The following PIK3R4 variants were observed in gnomAD, a reference collection of about 807,000 sequenced individuals.
The protein encoded by PIK3R4 is phosphoinositide-3-kinase regulatory subunit 4.
A neutral mutation model predicts 136.5 loss-of-function variants in PIK3R4; 46 were observed. That is an observed-to-expected ratio of 0.34 (90% CI 0.27 to 0.43). PIK3R4 has a LOEUF of 0.43. Among genes scored for constraint, PIK3R4 ranks in the 20% least tolerant of loss-of-function variants. The probability of loss-of-function intolerance (pLI) is 1.00; values close to 1 mark genes in which losing one functional copy is unlikely to be tolerated. For synonymous variants in PIK3R4, 557 were observed against 566.7 expected (o/e 0.98, Z 0.24); for missense variants, 1,331 against 1,649.5 (o/e 0.81, Z 3.35).
At chr3:130,687,291 T>C (rs2107600466) in intron 14 of PIK3R4, among the ~76,000 whole-genome samples, 1 of 152,316 alleles carries the variant, frequency 6.6e-6, no homozygotes, top group South Asian at 2.1e-4. Flanking sequence ...GACATCATAT[T>C]AGCATTCGAA....
At chr3:130,731,012 T>C (rs930180804) in intron 4 of PIK3R4, among the ~76,000 whole-genome samples, 3 of 152,256 alleles carry the variant, frequency 2.0e-5, no homozygotes, top group Admixed American at 1.3e-4. Context: ...AGTGGCAGAC[T>C]GTTTGCACAT....
chr3:130,738,527 G>T (rs926164565), intron 2 of PIK3R4, among the ~76,000 whole-genome samples: 1 of 152,144 alleles, frequency 6.6e-6, no homozygotes, highest in Non-Finnish European at 1.5e-5. Flanking sequence ...TTTGTCAGCT[G>T]TAAGAGCAAA....
Position 130,733,766 on chromosome 3 carries a change from A to G in PIK3R4, c.1232T>C (p.Val411Ala). The G allele has an allele frequency of 6.2e-7, 1 of 1,614,184 alleles. No homozygotes were observed. Among genetic ancestry groups the G allele is most frequent in the Non-Finnish European group, 8.5e-7 (1 of 1,179,996 alleles). The change falls in exon 4 of 20, where the codon GTT becomes GCT. Residue 411 changes from valine (V) to alanine (A), a missense_variant. This residue lies in a region of PIK3R4 where 1,180 missense variants were observed against 1,407.0 expected (regional missense o/e 0.84). Transcript: ENST00000356763. Reference protein sequence around the residue: ...LILHLAPRLSVEILLDRITPY... With the variant: ...LILHLAPRLSAEILLDRITPY... ...AGTAATACGATCCAAAAGGATTTCA[A>G]CACTTAATCTTGGAGCCAAATGAAG... is the stretch of plus-strand genomic sequence containing the variant.
intron 2 of PIK3R4, among the ~76,000 whole-genome samples, chr3:130,743,064 G>A (rs2107623726): frequency 6.6e-6 from 1 of 152,172 alleles, no homozygotes; most frequent in South Asian, 2.1e-4. Context: ...CCTATTTCCT[G>A]ATAACTCCCA....
intron 6 of PIK3R4, among the ~76,000 whole-genome samples, chr3:130,725,513 G>C (rs1457500014): frequency 6.7e-6 from 1 of 148,766 alleles, no homozygotes; most frequent in Non-Finnish European, 1.5e-5. Context: ...GCATGAAAAA[G>C]AAAAAAAGAC....
intron 6 of PIK3R4, among the ~76,000 whole-genome samples, chr3:130,724,899 T>C (rs2066722971): frequency 1.3e-5 from 2 of 152,142 alleles, no homozygotes; most frequent in South Asian, 4.1e-4. Context: ...TTTAGAGATA[T>C]GGTAATAATC....
intron 9 of PIK3R4, among the ~76,000 whole-genome samples, chr3:130,715,339 G>T (rs564067056): frequency 6.6e-6 from 1 of 151,994 alleles, no homozygotes; most frequent in Non-Finnish European, 1.5e-5. Context: ...GGCCAGTCTG[G>T]TCTGGAATTC....
intron 9 of PIK3R4, among the ~76,000 whole-genome samples, chr3:130,710,109 G>A (rs1292914373): frequency 6.6e-6 from 1 of 151,972 alleles, no homozygotes; most frequent in Non-Finnish European, 1.5e-5. Context: ...AAAACTATAG[G>A]ATAAGGTTGT....
chr3:130,723,874 G>C (rs1388310101), intron 6 of PIK3R4: 4 of 242,394 alleles, frequency 1.7e-5, no homozygotes, highest in South Asian at 1.3e-4. Flanking sequence ...ATAATCTTCA[G>C]CAACAATGGA....
intron 9 of PIK3R4, among the ~76,000 whole-genome samples, chr3:130,709,426 T>C (rs1486731962): frequency 6.6e-6 from 1 of 152,104 alleles, no homozygotes; most frequent in Non-Finnish European, 1.5e-5. Context: ...TAGAGTCATA[T>C]TCACAATTCT....
At chr3:130,708,780 T>C (rs1474419512) in intron 9 of PIK3R4, among the ~76,000 whole-genome samples, 1 of 152,166 alleles carries the variant, frequency 6.6e-6, no homozygotes, top group Non-Finnish European at 1.5e-5. Context: ...ATCTTTGGAA[T>C]TTCCAAAGAA....
At chr3:130,723,062 C>CA (rs61129038) in intron 7 of PIK3R4, among the ~76,000 whole-genome samples, 887 of 19,486 alleles carry the variant, frequency 0.046, 44 homozygotes, top group Middle Eastern at 0.19. Context: ...GAGACTGTCG[C>CA]AAAAAAAAAA....
chr3:130,682,819 A>T (rs2108514295), intron 16 of PIK3R4, among the ~76,000 whole-genome samples: 1 of 152,280 alleles, frequency 6.6e-6, no homozygotes, highest in South Asian at 2.1e-4. Context: ...TTCCTGTTAG[A>T]ATTGTAGGTG....
In PIK3R4 at chr3:130,708,398, T is replaced by A. The variant is rs753690503; in HGVS notation, c.2426A>T (p.His809Leu). 3.7e-6 allele frequency: 6 copies of A among 1,613,854 alleles called. No homozygotes were observed. The Admixed American group carries it at 1.0e-4, about 27-fold the overall frequency. ...ACCTTTCTGACTACTATCATGAAGA[T>A]GGCTCTGGTCCACTATATTGGCCTT... The part of the protein sequence containing the change: ...KAKANIVDQS[H>L]LHDSSQKGVI... The change falls in exon 10 of 20, where the codon CAT (histidine) becomes CTT (leucine). Residue 809 changes from histidine to leucine, a missense_variant. His to Leu is a moderately conservative substitution (Grantham distance 99). This residue lies in a region of PIK3R4 where 1,180 missense variants were observed against 1,407.0 expected (regional missense o/e 0.84). Transcript: ENST00000356763.
At chr3:130,715,562 T>G (rs2066660246) in intron 9 of PIK3R4, among the ~76,000 whole-genome samples, 1 of 152,222 alleles carries the variant, frequency 6.6e-6, no homozygotes, top group Non-Finnish European at 1.5e-5. Context: ...ATGTCTTTTT[T>G]TGAAAAGTGT....
chr3:130,736,389 T>C (rs1376396882), intron 2 of PIK3R4, among the ~76,000 whole-genome samples: 3 of 152,078 alleles, frequency 2.0e-5, no homozygotes, highest in African/African-American at 7.2e-5. Flanking sequence ...GTCAACATGA[T>C]GAAAGCCCGT....
chr3:130,719,788 G>GC (rs1200023457), intron 7 of PIK3R4, among the ~76,000 whole-genome samples: 2 of 152,068 alleles, frequency 1.3e-5, no homozygotes, highest in Non-Finnish European at 2.9e-5. Context: ...ATACTTCTCT[G>GC]CCCCCTTTCT....
At chr3:130,712,977 C>A (rs2066641041) in intron 9 of PIK3R4, among the ~76,000 whole-genome samples, 1 of 152,172 alleles carries the variant, frequency 6.6e-6, no homozygotes, top group African/African-American at 2.4e-5. Flanking sequence ...ATTCAAATGC[C>A]AACTCTGAAA....
chr3:130,715,749 C>A (rs1309206104), intron 9 of PIK3R4, among the ~76,000 whole-genome samples: 2 of 152,068 alleles, frequency 1.3e-5, no homozygotes, highest in African/African-American at 4.8e-5. Context: ...GTGCAGACCT[C>A]TTTAATTAGA....
Sources: gnomAD v4.1 joint callset for allele counts (sites outside exome capture counted in the v4.1 genomes callset) on GRCh38, gnomAD v4.1.1 for gene constraint, gnomAD v4.1.1 regional missense constraint, MANE v1.5 for transcripts, NCBI Gene and HGNC (gene_info 2026-07-23, HGNC 2026-07-21) for gene names.